PLD5: variants seen among roughly 807,000 people sequenced by gnomAD.
The protein encoded by PLD5 is inactive phospholipase D5.
A neutral mutation model predicts 61.1 loss-of-function variants in PLD5; 36 were observed. That is an observed-to-expected ratio of 0.59 (90% CI 0.45 to 0.78). PLD5 has a LOEUF of 0.78. Ranked by LOEUF, PLD5 falls within the 30% of genes least tolerant of loss-of-function variation. PLD5 has a pLI of 0.00. For synonymous variants in PLD5, 243 were observed against 242.8 expected (o/e 1.00, Z -0.01); for missense variants, 515 against 644.4 (o/e 0.80, Z 2.17).
At chr1:242,254,217 G>T (rs1479013424) in intron 4 of PLD5, among the ~76,000 whole-genome samples, 1 of 152,108 alleles carries the variant, frequency 6.6e-6, no homozygotes, top group Non-Finnish European at 1.5e-5. Context: ...GTAAATTAAG[G>T]CAACAGCTAT....
intron 2 of PLD5, among the ~76,000 whole-genome samples, chr1:242,347,753 G>C (rs529087872): frequency 6.6e-6 from 1 of 152,210 alleles, no homozygotes; most frequent in Middle Eastern, 3.4e-3. Flanking sequence ...ACATTTGATG[G>C]AACAACTAGC....
At chr1:242,330,725 A>G (rs964877116) in intron 2 of PLD5, among the ~76,000 whole-genome samples, 8 of 152,302 alleles carry the variant, frequency 5.3e-5, no homozygotes, top group African/African-American at 1.4e-4. Context: ...CTAAAGACCT[A>G]AACATTCTGT....
At chr1:242,096,420 C>A (rs186482198) in intron 9 of PLD5, among the ~76,000 whole-genome samples, 223 of 152,258 alleles carry the variant, frequency 1.5e-3, no homozygotes, top group African/African-American at 5.1e-3. Context: ...TGGTTCACCG[C>A]AACCTCTGCC....
At chr1:242,384,245 T>C (rs1662467966) in intron 1 of PLD5, among the ~76,000 whole-genome samples, 1 of 152,210 alleles carries the variant, frequency 6.6e-6, no homozygotes, top group Non-Finnish European at 1.5e-5. Context: ...AATTACATTC[T>C]CTTCTGTACA....
At chr1:242,261,706 T>TA in intron 4 of PLD5, among the ~76,000 whole-genome samples, 1 of 152,298 alleles carries the variant, frequency 6.6e-6, no homozygotes, top group East Asian at 1.9e-4. Flanking sequence ...TCCAAGAGAA[T>TA]ATGGAAATGG....
intron 1 of PLD5, among the ~76,000 whole-genome samples, chr1:242,443,280 G>A (rs985756555): frequency 6.6e-6 from 1 of 152,040 alleles, no homozygotes; most frequent in Non-Finnish European, 1.5e-5. Context: ...AATAAAAGAG[G>A]AAATTAATCA....
chr1:242,460,699 T>C (rs1274725916), intron 1 of PLD5, among the ~76,000 whole-genome samples: 4 of 152,056 alleles, frequency 2.6e-5, no homozygotes, highest in Non-Finnish European at 5.9e-5. Context: ...TAGTTACACA[T>C]AAGAATGAGC....
At chr1:242,354,055 C>G (rs1354821601) in intron 1 of PLD5, among the ~76,000 whole-genome samples, 1 of 151,418 alleles carries the variant, frequency 6.6e-6, no homozygotes, top group Non-Finnish European at 1.5e-5. Context: ...AGGTAAGAGA[C>G]CAGGAAGACT....
chr1:242,172,990 A>G (rs1036052754), intron 5 of PLD5, among the ~76,000 whole-genome samples: 2 of 152,104 alleles, frequency 1.3e-5, no homozygotes, highest in African/African-American at 4.8e-5. Context: ...AAATTATTCC[A>G]AACAAGACAG....
chr1:242,173,101 A>C (rs1666866803), intron 5 of PLD5, among the ~76,000 whole-genome samples: 1 of 152,168 alleles, frequency 6.6e-6, no homozygotes, highest in African/African-American at 2.4e-5. Context: ...TTAGGAAAAG[A>C]GGAAGTCAAA....
chr1:242,104,373 A>C (rs1376242573), intron 8 of PLD5, among the ~76,000 whole-genome samples: 1 of 149,428 alleles, frequency 6.7e-6, no homozygotes, highest in Non-Finnish European at 1.5e-5. Context: ...GCCTCAAGTG[A>C]TCCACTTGTC....
At chr1:242,414,598 T>C (rs1042316259) in intron 1 of PLD5, among the ~76,000 whole-genome samples, 1 of 152,170 alleles carries the variant, frequency 6.6e-6, no homozygotes, top group African/African-American at 2.4e-5. Flanking sequence ...GGGAAAAACA[T>C]AGTCATTTTC....
intron 4 of PLD5, among the ~76,000 whole-genome samples, chr1:242,238,671 T>A (rs1444882574): frequency 6.6e-6 from 1 of 152,194 alleles, no homozygotes; most frequent in Admixed American, 6.5e-5. Context: ...GAGAGTTCTC[T>A]GGGGGAAATG....
rs879700498 is a variant in PLD5, at chr1:242,395,034, A to AATATAT, written c.190-46793_190-46792insATATAT. On this transcript the variant is annotated intron_variant, in intron 1 of 9. Transcript: ENST00000536534. ...ATATATGAATATATATGTATATATG[A>AATATAT]ATGTATATGTATATATGAATATATA... Among the ~76,000 whole-genome samples the AATATAT allele has an allele frequency of 3.3e-4, 35 of 106,334 alleles. 2 individuals are homozygous for AATATAT. The highest frequency in any genetic ancestry group is 1.5e-3 in the East Asian group (5 of 3,408). 69.8% of individuals were successfully genotyped at this position (106,334 alleles called of 152,430 possible). A position where few individuals can be genotyped will look rare whatever the true frequency, so the allele number is the denominator to read the frequency against.
intron 1 of PLD5, among the ~76,000 whole-genome samples, chr1:242,485,351 G>A (rs966553848): frequency 6.6e-6 from 1 of 152,294 alleles, no homozygotes; most frequent in South Asian, 2.1e-4. Flanking sequence ...AAGCTGATAA[G>A]CAACTTCAGC....
intron 1 of PLD5, among the ~76,000 whole-genome samples, chr1:242,410,322 A>G (rs187993600): frequency 6.6e-6 from 1 of 152,122 alleles, no homozygotes; most frequent in African/African-American, 2.4e-5. Context: ...ACTCAAAGGA[A>G]CCTGTGGCTA....
In PLD5 at chr1:242,408,881, A is replaced by G. The variant is rs1664387699; in HGVS notation, c.190-60639T>C. ...CAGGAGTTCGAGACCAGCCTGGCCA[A>G]CATGGTGAAACCCTGTCTCTACTAA... On this transcript the variant is annotated intron_variant, in intron 1 of 9. Coordinates refer to ENST00000536534, the MANE Select transcript of PLD5 (RefSeq NM_001372062.1). Among the ~76,000 whole-genome samples, 3 of 152,134 alleles carry G rather than the reference A, an allele frequency of 2.0e-5. No individual in the cohort carries two copies. In the South Asian group the frequency reaches 6.2e-4, roughly 32 times the overall value.
At chr1:242,360,205 C>A (rs1660989524) in intron 1 of PLD5, among the ~76,000 whole-genome samples, 1 of 152,038 alleles carries the variant, frequency 6.6e-6, no homozygotes. Flanking sequence ...CACTTTTGAA[C>A]CGGGGCCCTA....
chr1:242,367,955 T>C (rs1050067621), intron 1 of PLD5, among the ~76,000 whole-genome samples: 2 of 152,214 alleles, frequency 1.3e-5, no homozygotes, highest in Non-Finnish European at 2.9e-5. Context: ...ATTTATGTTC[T>C]TGATTGAATC....
Sources: allele counts gnomAD v4.1 joint callset (sites outside exome capture counted in the v4.1 genomes callset), GRCh38; gene constraint gnomAD v4.1.1; transcripts MANE v1.5; gene names NCBI Gene and HGNC (gene_info 2026-07-23, HGNC 2026-07-21).